The following WDFY4 variants were observed in gnomAD, a reference collection of about 807,000 sequenced individuals.
The protein encoded by WDFY4 is WD repeat- and FYVE domain-containing protein 4.
WDFY4 carries 169 observed loss-of-function variants against 351.9 expected under a neutral mutation model. The observed-to-expected ratio is 0.48, with a 90% confidence interval of 0.42 to 0.55. The LOEUF (loss-of-function observed/expected upper bound fraction) is 0.55. Among genes scored for constraint, WDFY4 ranks in the 20% least tolerant of loss-of-function variants. WDFY4 has a pLI of 0.00. For missense variants in WDFY4, 3,803 were observed against 3,935.6 expected (o/e 0.97, Z 0.90); for synonymous variants, 1,622 against 1,574.6 (o/e 1.03, Z -0.71).
intron 21 of WDFY4, among the ~76,000 whole-genome samples, chr10:48,788,987 A>C (rs1166616619): frequency 6.6e-6 from 1 of 152,108 alleles, no homozygotes; most frequent in Non-Finnish European, 1.5e-5. Context: ...CTGGGTATTA[A>C]TGACCCACTA....
chr10:48,891,929 T>A (rs1291714328), intron 44 of WDFY4, among the ~76,000 whole-genome samples: 2 of 152,228 alleles, frequency 1.3e-5, no homozygotes, highest in Admixed American at 1.3e-4. Flanking sequence ...TTGATTTAGA[T>A]CAAAATGCTT....
chr10:48,965,027 G>A (rs2131811854), intron 54 of WDFY4, among the ~76,000 whole-genome samples: 1 of 152,352 alleles, frequency 6.6e-6, no homozygotes, highest in Admixed American at 6.5e-5. Context: ...CACATCCAGT[G>A]TGGGTTTGCT....
intron 13 of WDFY4, among the ~76,000 whole-genome samples, chr10:48,769,820 G>C (rs556599719): frequency 6.6e-6 from 1 of 152,238 alleles, no homozygotes; most frequent in Admixed American, 6.5e-5. Context: ...GACAGACAGC[G>C]TGGACTTAAA....
At chr10:48,703,051 C>T (rs2063523997) in intron 1 of WDFY4, among the ~76,000 whole-genome samples, 1 of 152,226 alleles carries the variant, frequency 6.6e-6, no homozygotes. Flanking sequence ...TCACCTCTGT[C>T]TCTCTCCTCT....
At chr10:48,771,351 A>T (rs956953306) in intron 13 of WDFY4, among the ~76,000 whole-genome samples, 1 of 151,982 alleles carries the variant, frequency 6.6e-6, no homozygotes, top group Non-Finnish European at 1.5e-5. Context: ...TGGAGAGGAG[A>T]TGGTGGAATG....
Position 48,790,855 on chromosome 10 carries a change from C to T in WDFY4, c.4195C>T (p.His1399Tyr), listed in dbSNP as rs2066654963. The change falls in exon 23 of 62, where the codon CAC becomes TAC. Residue 1399 changes from histidine to tyrosine, a missense_variant. His to Tyr is a moderately conservative substitution (Grantham distance 83). Around this residue, in one of 3 missense-constraint regions of WDFY4, gnomAD observed 3,054 missense variants for 3,148.6 expected, o/e 0.97. Coordinates refer to ENST00000325239, the MANE Select transcript of WDFY4 (RefSeq NM_001394531.1). ...CATGTATGCGGCTGTGAAAGTTCTG[C>T]ACTCGGTCCTGACCAGTAATGCCAT... ...HTMYAAVKVL[H>Y]SVLTSNAMCD... is the part of the protein sequence containing the mutation. 5 of 1,551,800 alleles carry T rather than the reference C, an allele frequency of 3.2e-6. No homozygotes were observed. The highest frequency in any genetic ancestry group is 4.4e-6 in the Non-Finnish European group (5 of 1,147,018).
chr10:48,947,751 C>T (rs772426587), intron 51 of WDFY4, among the ~76,000 whole-genome samples: 8 of 152,172 alleles, frequency 5.3e-5, no homozygotes, highest in Non-Finnish European at 8.8e-5. Flanking sequence ...CCCTTTATCC[C>T]AGGGCACAGC....
chr10:48,777,351 A>C (rs1467388678), intron 16 of WDFY4, 68 bp from the exon 17 acceptor site: 2 of 1,400,624 alleles, frequency 1.4e-6, no homozygotes, highest in Non-Finnish European at 2.0e-6. Context: ...GTCATGGCCC[A>C]GACTAGCTGT....
At chr10:48,728,864 A>G (rs750502006) in intron 7 of WDFY4, among the ~76,000 whole-genome samples, 9 of 152,236 alleles carry the variant, frequency 5.9e-5, no homozygotes, top group Non-Finnish European at 1.2e-4. Context: ...GGGAGTGCCA[A>G]GAAGGTCCCA....
intron 11 of WDFY4, among the ~76,000 whole-genome samples, chr10:48,736,578 G>C (rs770596758): frequency 1.3e-5 from 2 of 152,230 alleles, no homozygotes; most frequent in Non-Finnish European, 2.9e-5. Context: ...TTGTTGATCT[G>C]ATGAGCATTT....
intron 18 of WDFY4, among the ~76,000 whole-genome samples, chr10:48,779,484 A>C (rs2066147939): frequency 6.6e-6 from 1 of 152,220 alleles, no homozygotes; most frequent in Non-Finnish European, 1.5e-5. Context: ...AGGCCCTATG[A>C]AACAGTGGAA....
chr10:48,692,193 A>T (rs1337826324), intron 1 of WDFY4, among the ~76,000 whole-genome samples: 1 of 152,166 alleles, frequency 6.6e-6, no homozygotes, highest in Non-Finnish European at 1.5e-5. Flanking sequence ...CAGGGTGGCA[A>T]ATGCCCAGAT....
In WDFY4 at chr10:48,974,854, G is replaced by T. The variant is rs144521210; in HGVS notation, c.8929-8G>T. 79 of 1,532,100 alleles carry T rather than the reference G, an allele frequency of 5.2e-5. No homozygotes were observed. In the African/African-American group the frequency reaches 9.5e-4, roughly 18 times the overall value. 94.9% of individuals were successfully genotyped at this position (1,532,100 alleles called of 1,614,324 possible). A position where few individuals can be genotyped will look rare whatever the true frequency, so the allele number is the denominator to read the frequency against. On this transcript the variant is annotated splice_region_variant and splice_polypyrimidine_tract_variant and intron_variant, in intron 57 of 61. Coordinates refer to ENST00000325239, the MANE Select transcript of WDFY4 (RefSeq NM_001394531.1). ...TCCCTCTCCTAACCTGTGAGTCTCT[G>T]TCCCCAGGCCTTGTATGGACACACA... is the stretch of plus-strand genomic sequence containing the variant.
intron 12 of WDFY4, among the ~76,000 whole-genome samples, chr10:48,751,468 A>T (rs1040799933): frequency 2.0e-5 from 3 of 152,180 alleles, no homozygotes; most frequent in Non-Finnish European, 2.9e-5. Flanking sequence ...CCTTCCAGGG[A>T]TGGCAGTAGC....
chr10:48,742,221 G>A (rs141027824), intron 11 of WDFY4, among the ~76,000 whole-genome samples: 1 of 152,322 alleles, frequency 6.6e-6, no homozygotes, highest in Admixed American at 6.5e-5. Flanking sequence ...TGGATTCCAC[G>A]ATGTATCCTA....
chr10:48,949,967 T>C (rs929319880), intron 51 of WDFY4, among the ~76,000 whole-genome samples: 1 of 152,214 alleles, frequency 6.6e-6, no homozygotes, highest in Admixed American at 6.5e-5. Flanking sequence ...ATTAAGCACC[T>C]ACTATGCACC....
chr10:48,910,871 C>T (rs1358066724), intron 47 of WDFY4: 1 of 982,972 alleles, frequency 1.0e-6, no homozygotes, highest in African/African-American at 1.8e-5. Context: ...ACCAGCAAAC[C>T]CTGGGCACCA....
chr10:48,724,031 A>G (rs1371931554), intron 5 of WDFY4, among the ~76,000 whole-genome samples: 2 of 152,048 alleles, frequency 1.3e-5, no homozygotes, highest in African/African-American at 4.8e-5. Context: ...CATCAAATGC[A>G]ATTTCCTTCT....
chr10:48,771,339 C>T (rs935773690), intron 13 of WDFY4, among the ~76,000 whole-genome samples: 4 of 152,128 alleles, frequency 2.6e-5, no homozygotes, highest in South Asian at 2.1e-4. Flanking sequence ...TGACTGCCCG[C>T]GTGGAGAGGA....
Sources: gnomAD v4.1 joint callset for allele counts (sites outside exome capture counted in the v4.1 genomes callset) on GRCh38, gnomAD v4.1.1 for gene constraint, gnomAD v4.1.1 regional missense constraint, MANE v1.5 for transcripts, NCBI Gene and HGNC (gene_info 2026-07-23, HGNC 2026-07-21) for gene names.